Variants in NRG3 observed in about 807,000 individuals in gnomAD.
NRG3 encodes neuregulin 3.
A neutral mutation model predicts 66.9 loss-of-function variants in NRG3; 31 were observed. The observed-to-expected ratio is 0.46, with a 90% CI of 0.35 to 0.63. The LOEUF is 0.63. NRG3 is among the 20% of genes least tolerant of loss of function. NRG3 has a pLI of 0.00. For synonymous variants in NRG3, 393 were observed against 359.4 expected (o/e 1.09, Z -1.06); for missense variants, 910 against 878.9 (o/e 1.04, Z -0.45).
At chr10:82,723,467 A>G (rs2134541994) in intron 2 of NRG3, among the ~76,000 whole-genome samples, 1 of 152,326 alleles carries the variant, frequency 6.6e-6, no homozygotes, top group East Asian at 1.9e-4. Flanking sequence ...TGAATCTAAA[A>G]TAAAAGTTTA....
intron 2 of NRG3, among the ~76,000 whole-genome samples, chr10:82,517,740 A>G (rs1759379367): frequency 6.6e-6 from 1 of 151,756 alleles, no homozygotes; most frequent in Admixed American, 6.6e-5. Flanking sequence ...GTTGGTAAGA[A>G]TAAATACAAT....
At chr10:82,307,195 CAT>C (rs986578545) in intron 1 of NRG3, among the ~76,000 whole-genome samples, 4 of 152,010 alleles carry the variant, frequency 2.6e-5, no homozygotes, top group Admixed American at 2.0e-4. Flanking sequence ...TAATGATAAA[CAT>C]ATAGGTGTGG....
At chr10:82,468,595 A>T (rs1043019619) in intron 2 of NRG3, among the ~76,000 whole-genome samples, 6 of 152,230 alleles carry the variant, frequency 3.9e-5, no homozygotes, top group African/African-American at 1.4e-4. Context: ...GAGACAGGTG[A>T]CACAAAAAGA....
chr10:81,889,477 T>C (rs1303386094), intron 1 of NRG3: 1 of 152,300 alleles, frequency 6.6e-6, no homozygotes, highest in East Asian at 1.9e-4. Flanking sequence ...CTAAAATTAG[T>C]GGAGTCACCC....
At chr10:82,823,390 T>G (rs890831848) in intron 3 of NRG3, among the ~76,000 whole-genome samples, 1 of 152,138 alleles carries the variant, frequency 6.6e-6, no homozygotes, top group Non-Finnish European at 1.5e-5. Context: ...GATTCTGAAG[T>G]GGGAACAAAT....
intron 3 of NRG3, among the ~76,000 whole-genome samples, chr10:82,822,029 G>A (rs2061974454): frequency 1.3e-5 from 2 of 152,046 alleles, no homozygotes; most frequent in Non-Finnish European, 2.9e-5. Context: ...TATGGTCTTC[G>A]GTTTCCCTGC....
intron 2 of NRG3, among the ~76,000 whole-genome samples, chr10:82,579,951 CTG>C (rs562146176): frequency 9.9e-5 from 15 of 152,020 alleles, no homozygotes; most frequent in African/African-American, 3.4e-4. Flanking sequence ...TCTGCAGTAT[CTG>C]TGAGGGATTG....
chr10:82,457,356 T>C (rs1232163515), intron 2 of NRG3, among the ~76,000 whole-genome samples: 1 of 152,112 alleles, frequency 6.6e-6, no homozygotes, highest in African/African-American at 2.4e-5. Context: ...AAGGAACACA[T>C]AGCCTAGATC....
intron 2 of NRG3, among the ~76,000 whole-genome samples, chr10:82,565,578 A>G (rs11195038): frequency 1.1e-4 from 17 of 151,860 alleles, no homozygotes; most frequent in African/African-American, 3.9e-4. Flanking sequence ...GACACCTAAC[A>G]GTCTCCTTGT....
At chr10:82,099,423 T>G (rs1451110999) in intron 1 of NRG3, among the ~76,000 whole-genome samples, 1 of 152,188 alleles carries the variant, frequency 6.6e-6, no homozygotes, top group Non-Finnish European at 1.5e-5. Context: ...TATCAACACT[T>G]TTTCCAATTC....
intron 1 of NRG3, among the ~76,000 whole-genome samples, chr10:81,890,305 A>T (rs1335896327): frequency 1.3e-5 from 2 of 152,176 alleles, no homozygotes; most frequent in Non-Finnish European, 2.9e-5. Context: ...GAAGGGAGAA[A>T]CTTGCCGAAT....
chr10:82,420,205 T>C (rs930409288), intron 2 of NRG3, among the ~76,000 whole-genome samples: 4 of 152,136 alleles, frequency 2.6e-5, no homozygotes, highest in Non-Finnish European at 5.9e-5. Context: ...CATTGTGTCC[T>C]GGTAATGGAA....
intron 1 of NRG3, among the ~76,000 whole-genome samples, chr10:81,960,316 C>A (rs1304663792): frequency 6.6e-6 from 1 of 152,078 alleles, no homozygotes; most frequent in Non-Finnish European, 1.5e-5. Flanking sequence ...ATGGCTATTT[C>A]TTTATCCAAT....
intron 2 of NRG3, among the ~76,000 whole-genome samples, chr10:82,597,483 T>G (rs532694805): frequency 9.2e-5 from 14 of 152,292 alleles, no homozygotes; most frequent in African/African-American, 3.4e-4. Flanking sequence ...AACCTACAAA[T>G]TACATACATA....
At chr10:82,018,334 A>G (rs375922089) in intron 1 of NRG3, among the ~76,000 whole-genome samples, 4 of 152,034 alleles carry the variant, frequency 2.6e-5, no homozygotes, top group South Asian at 2.1e-4. Context: ...TTTGGTTACT[A>G]TAGCCTTGTA....
chr10:82,494,033 A>G (rs1393174260), intron 2 of NRG3, among the ~76,000 whole-genome samples: 1 of 152,222 alleles, frequency 6.6e-6, no homozygotes, highest in Non-Finnish European at 1.5e-5. Flanking sequence ...TCAAAACCAC[A>G]ATGAAATACC....
At chr10:82,486,767 A>G (rs1842712780) in intron 2 of NRG3, among the ~76,000 whole-genome samples, 1 of 152,188 alleles carries the variant, frequency 6.6e-6, no homozygotes, top group Non-Finnish European at 1.5e-5. Flanking sequence ...ATTCTGTCAA[A>G]TGCTATAACA....
At chr10:82,076,656 A>G (rs2065108710) in intron 1 of NRG3, among the ~76,000 whole-genome samples, 1 of 152,010 alleles carries the variant, frequency 6.6e-6, no homozygotes, top group Non-Finnish European at 1.5e-5. Context: ...CTCCTTGTTT[A>G]AAGGTGTCTG....
intron 1 of NRG3, among the ~76,000 whole-genome samples, chr10:82,101,624 A>G (rs1398135121): frequency 6.6e-6 from 1 of 151,758 alleles, no homozygotes; most frequent in Non-Finnish European, 1.5e-5. Context: ...CTTCTAAATC[A>G]TTGTGGAATC....
Sources: allele counts gnomAD v4.1 joint callset (sites outside exome capture counted in the v4.1 genomes callset), GRCh38; gene constraint gnomAD v4.1.1; transcripts MANE v1.5; gene names NCBI Gene and HGNC (gene_info 2026-07-23, HGNC 2026-07-21).